The following MIPEP variants were observed in gnomAD, a reference collection of about 807,000 sequenced individuals.
MIPEP encodes the protein mitochondrial intermediate peptidase.
A neutral mutation model predicts 90.3 loss-of-function variants in MIPEP; 79 were observed. The ratio of observed to expected loss-of-function variants is 0.87; its 90% CI spans 0.73 to 1.05. MIPEP has a LOEUF of 1.05. MIPEP is among the 50% of genes least tolerant of loss of function. The pLI, the probability that MIPEP is intolerant of heterozygous loss-of-function variation, is 0.00. For missense variants in MIPEP, 940 were observed against 905.6 expected (o/e 1.04, Z -0.49); for synonymous variants, 334 against 315.8 (o/e 1.06, Z -0.61).
chr13:23,767,043 C>A lies in MIPEP; in HGVS notation c.1849-6826G>T, dbSNP rs573561630. Among the ~76,000 whole-genome samples the A allele has an allele frequency of 4.1e-3, 629 of 152,328 alleles. 3 individuals are homozygous for A. Among genetic ancestry groups the A allele is most frequent in the Non-Finnish European group, 6.9e-3 (469 of 68,022 alleles). On this transcript the variant is annotated intron_variant, in intron 16 of 18. Coordinates refer to ENST00000382172, the MANE Select transcript of MIPEP (RefSeq NM_005932.4). ...GGGGAGGACCCTGGAACCTGGGGGG[C>A]CCTCTAGGACCTGTGGGTAGCCTAG...
intron 16 of MIPEP, among the ~76,000 whole-genome samples, chr13:23,782,085 C>G (rs946497180): frequency 8.5e-5 from 13 of 152,216 alleles, no homozygotes; most frequent in African/African-American, 3.1e-4. Flanking sequence ...GAATTGAACA[C>G]AGCTCTGCAC....
intron 4 of MIPEP, among the ~76,000 whole-genome samples, chr13:23,877,789 T>C (rs910107722): frequency 2.0e-5 from 3 of 152,226 alleles, no homozygotes; most frequent in Non-Finnish European, 2.9e-5. Context: ...TTCTAAAATA[T>C]AGTTCTTTCT....
intron 1 of MIPEP, chr13:23,888,104 A>G: frequency 2.3e-6 from 1 of 441,434 alleles, no homozygotes; most frequent in East Asian, 7.0e-5. Flanking sequence ...ATATCATGAT[A>G]CAAAAAGGGA....
At chr13:23,822,732 C>T (rs1311449722) in intron 14 of MIPEP, among the ~76,000 whole-genome samples, 1 of 151,926 alleles carries the variant, frequency 6.6e-6, no homozygotes, top group South Asian at 2.1e-4. Flanking sequence ...AAATGAAAGA[C>T]TATAAAACTG....
chr13:23,783,464 G>T (rs1462598158), intron 16 of MIPEP, among the ~76,000 whole-genome samples: 3 of 152,056 alleles, frequency 2.0e-5, no homozygotes, highest in Non-Finnish European at 4.4e-5. Flanking sequence ...AATAATAAGA[G>T]CTATTCATGA....
intron 5 of MIPEP, among the ~76,000 whole-genome samples, 172 bp from the exon 6 acceptor site, chr13:23,870,367 TA>T (rs1870741928): frequency 6.6e-6 from 1 of 150,508 alleles, no homozygotes; most frequent in South Asian, 2.1e-4. Flanking sequence ...AATAATATAT[TA>T]ATTTTACTTT....
chr13:23,746,289 T>C (rs1359601340), intron 18 of MIPEP, among the ~76,000 whole-genome samples: 6 of 151,766 alleles, frequency 4.0e-5, no homozygotes, highest in African/African-American at 1.2e-4. Flanking sequence ...GCTGGGATTA[T>C]AGGCATGAGC....
chr13:23,844,913 G>T (rs773541462), intron 10 of MIPEP, among the ~76,000 whole-genome samples: 4 of 151,972 alleles, frequency 2.6e-5, no homozygotes, highest in Non-Finnish European at 2.9e-5. Flanking sequence ...TTTCTAAACT[G>T]CCTGTTTTAA....
intron 10 of MIPEP, among the ~76,000 whole-genome samples, chr13:23,858,614 G>A (rs917550627): frequency 3.9e-5 from 6 of 152,026 alleles, no homozygotes; most frequent in Non-Finnish European, 8.8e-5. Flanking sequence ...AATGCTCACA[G>A]CCTAGGAAGA....
chr13:23,764,002 T>C (rs1593140153), intron 16 of MIPEP, among the ~76,000 whole-genome samples: 1 of 152,366 alleles, frequency 6.6e-6, no homozygotes, highest in East Asian at 1.9e-4. Flanking sequence ...ATATAGCATT[T>C]CATCTTAAGC....
intron 18 of MIPEP, among the ~76,000 whole-genome samples, chr13:23,746,090 C>G (rs1407369622): frequency 6.7e-6 from 1 of 148,266 alleles, no homozygotes. Context: ...TCTTGGCTCA[C>G]TGCAACATCT....
At position 23,889,376 on chromosome 13, in the gene MIPEP, C is replaced by G; in HGVS notation, c.-56G>C. 1 of 1,237,722 alleles carries G rather than the reference C, an allele frequency of 8.1e-7. No homozygotes were observed. The highest frequency in any genetic ancestry group is 1.0e-6 in the Non-Finnish European group (1 of 987,968). The allele number at this position is 1,237,722 out of a possible 1,614,324, so 76.7% of individuals were successfully genotyped here. On this transcript the variant is annotated 5_prime_UTR_variant, in exon 1 of 19. Coordinates refer to ENST00000382172, the MANE Select transcript of MIPEP (RefSeq NM_005932.4). ...GCAGATCCCTGCCCTGCTGCTTTCG[C>G]TGGGAGCGCGCGCTCCGCGTTTCCA... is the stretch of plus-strand genomic sequence containing the variant.
At chr13:23,878,563 GA>G (rs1253325182) in intron 4 of MIPEP, among the ~76,000 whole-genome samples, 1 of 151,884 alleles carries the variant, frequency 6.6e-6, no homozygotes, top group African/African-American at 2.4e-5. Context: ...AAACAAATGA[GA>G]AAAAAAATTA....
At chr13:23,759,745 C>T (rs1886531) in intron 17 of MIPEP, among the ~76,000 whole-genome samples, 48,397 of 152,022 alleles carry the variant, frequency 0.32, 7,945 homozygotes, top group South Asian at 0.47. Flanking sequence ...GTGGGCATCC[C>T]GTATCACGTG....
chr13:23,821,699 C>T (rs919962785), intron 14 of MIPEP, among the ~76,000 whole-genome samples: 2 of 152,172 alleles, frequency 1.3e-5, no homozygotes, highest in Non-Finnish European at 2.9e-5. Flanking sequence ...AAAATCCATA[C>T]ATGTTCAAGT....
intron 18 of MIPEP, among the ~76,000 whole-genome samples, chr13:23,740,378 C>T (rs1345003256): frequency 2.0e-5 from 3 of 151,670 alleles, no homozygotes; most frequent in South Asian, 2.1e-4. Flanking sequence ...CAAGCCCCAC[C>T]GAGCTGCTCT....
intron 8 of MIPEP, among the ~76,000 whole-genome samples, chr13:23,863,126 G>T (rs9510910): frequency 6.6e-6 from 1 of 152,028 alleles, no homozygotes; most frequent in African/African-American, 2.4e-5. Context: ...CCAATGTGTT[G>T]GTGTAGCCAC....
At chr13:23,809,761 T>C in intron 15 of MIPEP, 89 bp downstream of exon 15, 1 of 821,008 alleles carries the variant, frequency 1.2e-6, no homozygotes, top group Non-Finnish European at 2.0e-6. Context: ...ATTATTATAA[T>C]AAATAGGTAT....
rs943969873 is a variant in MIPEP, at chr13:23,774,217, A to AATGT, written c.1849-14004_1849-14001dup. Among the ~76,000 whole-genome samples the AATGT allele has an allele frequency of 1.6e-4, 25 of 152,242 alleles. No individual in the cohort carries two copies. In the Middle Eastern group the frequency reaches 0.014, roughly 83 times the overall value. ...CCCAATTAGTTGTCAACTGAACATA[A>AATGT]ATGTATGGCTTTTTTTTTTCTGGAA... On this transcript the variant is annotated intron_variant, in intron 16 of 18. Transcript: ENST00000382172.
Sources: allele counts gnomAD v4.1 joint callset (sites outside exome capture counted in the v4.1 genomes callset), GRCh38; gene constraint gnomAD v4.1.1; transcripts MANE v1.5; gene names NCBI Gene and HGNC (gene_info 2026-07-23, HGNC 2026-07-21).